GALNT13: variants seen among roughly 807,000 people sequenced by gnomAD.
GALNT13 encodes polypeptide N-acetylgalactosaminyltransferase 13.
Under a neutral mutation model 64.2 loss-of-function variants are expected in GALNT13, and 28 were observed. That is an observed-to-expected ratio of 0.44 (90% CI 0.32 to 0.60). The LOEUF (loss-of-function observed/expected upper bound fraction) is 0.60, where lower values mean the gene tolerates loss of function less well. Among genes scored for constraint, GALNT13 ranks in the 20% least tolerant of loss-of-function variants. GALNT13 has a pLI of 0.05. For missense variants in GALNT13, 577 were observed against 669.8 expected, an observed-to-expected ratio of 0.86 and a Z score of 1.53; for synonymous variants, 214 against 224.6, an observed-to-expected ratio of 0.95 and a Z score of 0.42.
intron 3 of GALNT13, among the ~76,000 whole-genome samples, chr2:154,074,565 C>T (rs529232726): frequency 6.6e-6 from 1 of 151,810 alleles, no homozygotes; most frequent in South Asian, 2.1e-4. Flanking sequence ...ATAAGGGACA[C>T]CTCCCTGACT....
the GALNT13 span, among the ~76,000 whole-genome samples, chr2:153,328,850 G>A: frequency 6.6e-6 from 1 of 151,842 alleles, no homozygotes; most frequent in Admixed American, 6.6e-5. Context: ...TGCCACTGGG[G>A]TACAGAAAAA....
intron 4 of GALNT13, among the ~76,000 whole-genome samples, chr2:154,218,805 G>C (rs1381332622): frequency 6.6e-6 from 1 of 151,898 alleles, no homozygotes; most frequent in Non-Finnish European, 1.5e-5. Context: ...TATCTATTAT[G>C]CCTAATTTTG....
intron 3 of GALNT13, among the ~76,000 whole-genome samples, chr2:153,964,121 G>A (rs1693155723): frequency 6.6e-6 from 1 of 151,942 alleles, no homozygotes; most frequent in African/African-American, 2.4e-5. Context: ...TATGCCCCTT[G>A]AAGATAAGAA....
At chr2:154,329,093 G>A (rs1185773978) in intron 9 of GALNT13, among the ~76,000 whole-genome samples, 1 of 151,862 alleles carries the variant, frequency 6.6e-6, no homozygotes, top group Non-Finnish European at 1.5e-5. Context: ...CCAGTTTGTG[G>A]TTTGCAATTT....
the GALNT13 span, among the ~76,000 whole-genome samples, chr2:153,626,147 T>C: frequency 5.9e-5 from 9 of 152,062 alleles, no homozygotes; most frequent in Admixed American, 2.6e-4. Context: ...ACATAAACCA[T>C]TGGTTCCCAG....
chr2:154,134,567 A>T (rs1682839768), intron 3 of GALNT13, among the ~76,000 whole-genome samples: 1 of 152,258 alleles, frequency 6.6e-6, no homozygotes, highest in Admixed American at 6.5e-5. Flanking sequence ...TAAATATTCA[A>T]AGAAAAAGCA....
chr2:154,442,576 G>A (rs766572), intron 12 of GALNT13, among the ~76,000 whole-genome samples: 151,257 of 152,208 alleles, frequency 0.99, 75,161 homozygotes, highest in Middle Eastern at 1. Flanking sequence ...ATTAAATGAA[G>A]AGAAAAAAAT....
the GALNT13 span, among the ~76,000 whole-genome samples, chr2:153,361,844 C>A: frequency 6.6e-6 from 1 of 152,084 alleles, no homozygotes; most frequent in Non-Finnish European, 1.5e-5. Context: ...GCAAGGCAGG[C>A]CAATATTCAA....
At chr2:154,245,161 A>C (rs2105876802) in intron 6 of GALNT13, among the ~76,000 whole-genome samples, 1 of 150,226 alleles carries the variant, frequency 6.7e-6, no homozygotes, top group East Asian at 2.0e-4. Context: ...CCAGAGATTA[A>C]AGTTGCTTAT....
intron 3 of GALNT13, among the ~76,000 whole-genome samples, chr2:154,055,764 C>T (rs896052618): frequency 2.6e-5 from 4 of 152,048 alleles, no homozygotes; most frequent in African/African-American, 4.8e-5. Flanking sequence ...ATGGTTTTCT[C>T]GCCACAGATT....
chr2:153,745,332 T>TA, the GALNT13 span, among the ~76,000 whole-genome samples: 1 of 152,192 alleles, frequency 6.6e-6, no homozygotes, highest in Non-Finnish European at 1.5e-5. Flanking sequence ...CTACAGGACT[T>TA]ACGAAACTAC....
the GALNT13 span, among the ~76,000 whole-genome samples, chr2:153,404,846 GAATT>G: frequency 3.9e-5 from 6 of 152,168 alleles, no homozygotes; most frequent in African/African-American, 1.2e-4. Context: ...GTAAAGTTGA[GAATT>G]AATTTTCCCA....
chr2:153,670,818 G>A, the GALNT13 span, among the ~76,000 whole-genome samples: 1 of 152,174 alleles, frequency 6.6e-6, no homozygotes, highest in Non-Finnish European at 1.5e-5. Context: ...AAGGTTAGAC[G>A]AATGTCTAAA....
chr2:153,819,912 A>G, the GALNT13 span, among the ~76,000 whole-genome samples: 4 of 152,366 alleles, frequency 2.6e-5, no homozygotes, highest in Non-Finnish European at 4.4e-5. Flanking sequence ...GTCCTAATCA[A>G]AATGGAAACT....
chr2:154,318,234 A>C (rs904511233), intron 9 of GALNT13, among the ~76,000 whole-genome samples: 8 of 152,200 alleles, frequency 5.3e-5, no homozygotes, highest in African/African-American at 1.7e-4. Context: ...AATATTTCTA[A>C]GTTTAAAGTT....
At chr2:153,557,273 A>G in the GALNT13 span, among the ~76,000 whole-genome samples, 1 of 152,228 alleles carries the variant, frequency 6.6e-6, no homozygotes, top group Non-Finnish European at 1.5e-5. Context: ...AGGCCATACC[A>G]TAAAGCCTAG....
the GALNT13 span, among the ~76,000 whole-genome samples, chr2:153,222,916 G>A: frequency 1.3e-5 from 2 of 152,096 alleles, no homozygotes; most frequent in African/African-American, 2.4e-5. Flanking sequence ...CAGAGAGGCG[G>A]CTGGGAAACT....
chr2:153,478,127 T>A, the GALNT13 span: 3 of 814,718 alleles, frequency 3.7e-6, no homozygotes, highest in Non-Finnish European at 5.7e-6. Flanking sequence ...TCGAGAGAAA[T>A]AATTGACTCC....
At chr2:154,286,240 G>A (rs1403355691) in intron 8 of GALNT13, among the ~76,000 whole-genome samples, 3 of 152,162 alleles carry the variant, frequency 2.0e-5, no homozygotes. Context: ...GGCAAGATTG[G>A]GCATTCTTGT....
Sources: gnomAD v4.1 joint callset for allele counts (sites outside exome capture counted in the v4.1 genomes callset) on GRCh38, gnomAD v4.1.1 for gene constraint, MANE v1.5 for transcripts, NCBI Gene and HGNC (gene_info 2026-07-23, HGNC 2026-07-21) for gene names.